ADRA1B: variants seen among roughly 807,000 people sequenced by gnomAD.
ADRA1B encodes the protein adrenoceptor alpha 1B.
In ADRA1B, 17 loss-of-function variants were observed where a neutral mutation model predicts 17.9. The observed-to-expected ratio is 0.95, with a 90% confidence interval of 0.65 to 1.42. The LOEUF is 1.42. Ranked by LOEUF, ADRA1B falls within the 40% of genes most tolerant of loss-of-function variation. The pLI, the probability that ADRA1B is intolerant of heterozygous loss-of-function variation, is 0.00. For missense variants in ADRA1B, 681 were observed against 722.1 expected, an observed-to-expected ratio of 0.94 and a Z score of 0.65; for synonymous variants, 366 against 327.6, an observed-to-expected ratio of 1.12 and a Z score of -1.27.
chr5:159,886,802 G>A (rs567348672), intron 1 of ADRA1B, among the ~76,000 whole-genome samples: 7 of 151,958 alleles, frequency 4.6e-5, no homozygotes, highest in East Asian at 3.9e-4. Flanking sequence ...TCAGTTACTC[G>A]CCAGCTGATG....
intron 1 of ADRA1B, among the ~76,000 whole-genome samples, chr5:159,929,467 A>T (rs1220996079): frequency 2.6e-4 from 39 of 148,450 alleles, no homozygotes; most frequent in South Asian, 2.3e-3. Context: ...TTTTTTTTTT[A>T]AAAAGAGGGT....
In ADRA1B at chr5:159,916,861, T is replaced by C; in HGVS notation, c.-45T>C. The C allele has an allele frequency of 1.9e-6, 3 of 1,551,916 alleles. No individual in the cohort carries two copies. The highest frequency in any genetic ancestry group is 2.6e-6 in the Non-Finnish European group (3 of 1,144,606). On this transcript the variant is annotated 5_prime_UTR_variant, in exon 1 of 2. Transcript: ENST00000306675. ...AGCTGAGGAGCCTTCGCCGCAGCCC[T>C]TCCGAGCCCAATCATCCCCCTGGCT...
At chr5:159,953,312 C>T (rs1032828332) in intron 1 of ADRA1B, among the ~76,000 whole-genome samples, 4 of 152,194 alleles carry the variant, frequency 2.6e-5, no homozygotes, top group African/African-American at 9.6e-5. Flanking sequence ...GTGAGCCGAT[C>T]GTGCCACCGC....
intron 1 of ADRA1B, among the ~76,000 whole-genome samples, chr5:159,918,826 C>T (rs557472269): frequency 6.6e-6 from 1 of 152,286 alleles, no homozygotes; most frequent in East Asian, 1.9e-4. Flanking sequence ...CCTTGTCCTT[C>T]CTCTGAGGCA....
chr5:159,903,516 A>T (rs1253193247), intron 1 of ADRA1B, among the ~76,000 whole-genome samples: 2 of 152,210 alleles, frequency 1.3e-5, no homozygotes, highest in Non-Finnish European at 2.9e-5. Flanking sequence ...CATTTTACAG[A>T]TGAGGAAACT....
intron 1 of ADRA1B, among the ~76,000 whole-genome samples, chr5:159,906,750 T>C (rs1305032389): frequency 6.6e-6 from 1 of 152,126 alleles, no homozygotes; most frequent in Non-Finnish European, 1.5e-5. Context: ...AATTCTAAAG[T>C]TTTTGAGTGG....
intron 1 of ADRA1B, among the ~76,000 whole-genome samples, chr5:159,918,401 A>C (rs1295338293): frequency 1.3e-5 from 2 of 152,188 alleles, no homozygotes; most frequent in East Asian, 3.9e-4. Context: ...GACAGCTATC[A>C]CCCAGATATA....
chr5:159,899,144 CAGGAAGGA>C (rs910087875), intron 1 of ADRA1B, among the ~76,000 whole-genome samples: 1 of 145,204 alleles, frequency 6.9e-6, no homozygotes, highest in South Asian at 2.2e-4. Flanking sequence ...GAGACCCTGT[CAGGAAGGA>C]AGGAAGGAAG....
chr5:159,964,333 G>A (rs933573303), intron 1 of ADRA1B, among the ~76,000 whole-genome samples: 2 of 152,140 alleles, frequency 1.3e-5, no homozygotes, highest in South Asian at 2.1e-4. Context: ...CTCCCTTTTC[G>A]AGAAAGAGGG....
chr5:159,898,385 A>T (rs1191948113), intron 1 of ADRA1B, among the ~76,000 whole-genome samples: 3 of 152,172 alleles, frequency 2.0e-5, no homozygotes, highest in African/African-American at 7.2e-5. Flanking sequence ...GGATCACAGA[A>T]ACTGATTCCC....
At chr5:159,875,413 C>T (rs568567608) in intron 1 of ADRA1B, among the ~76,000 whole-genome samples, 37 of 152,208 alleles carry the variant, frequency 2.4e-4, no homozygotes, top group African/African-American at 8.4e-4. Context: ...AAGGACCAAG[C>T]TCAAGGAAAA....
chr5:159,928,360 ATT>A (rs1360104250), intron 1 of ADRA1B, among the ~76,000 whole-genome samples: 7 of 152,084 alleles, frequency 4.6e-5, no homozygotes, highest in Non-Finnish European at 8.8e-5. Context: ...TTACGACTCT[ATT>A]GACAGCACAC....
chr5:159,987,306 G>A, the ADRA1B span, among the ~76,000 whole-genome samples: 4 of 152,348 alleles, frequency 2.6e-5, no homozygotes, highest in African/African-American at 9.6e-5. Context: ...GCCCAGGTGC[G>A]CGGGTCTCTC....
chr5:159,879,043 A>G (rs1753829769), intron 1 of ADRA1B, among the ~76,000 whole-genome samples: 1 of 152,034 alleles, frequency 6.6e-6, no homozygotes, highest in African/African-American at 2.4e-5. Flanking sequence ...CTGCTACTGC[A>G]TATTCCTCAT....
In ADRA1B at chr5:159,972,034, GGCCGCGGCCGCC is replaced by G; in HGVS notation, c.1110_1121del (p.Gly371_Arg374del). 1 of 1,399,000 alleles carries G rather than the reference GGCCGCGGCCGCC, an allele frequency of 7.1e-7. No individual in the cohort carries two copies. Among genetic ancestry groups the G allele is most frequent in the Non-Finnish European group, 9.3e-7 (1 of 1,076,046 alleles). 86.7% of individuals were successfully genotyped at this position (1,399,000 alleles called of 1,614,324 possible). On this transcript the variant is annotated inframe_deletion, in exon 2 of 2. Coordinates refer to ENST00000306675, the MANE Select transcript of ADRA1B (RefSeq NM_000679.4). ...GCGCATCCTCGGGTGCCAGTGCCGC[GGCCGCGGCCGCC>G]GCCGACGCCGCCGCCGCCGTCGCCT...
chr5:159,970,560 T>C (rs1755848561), intron 1 of ADRA1B, among the ~76,000 whole-genome samples: 1 of 152,218 alleles, frequency 6.6e-6, no homozygotes, highest in South Asian at 2.1e-4. Flanking sequence ...TGAACCCTTA[T>C]GGACTTGTGT....
At chr5:159,973,750 A>C (rs1051169284), downstream of ADRA1B, among the ~76,000 whole-genome samples, 13 of 152,238 alleles carry the variant, frequency 8.5e-5, no homozygotes, top group African/African-American at 2.9e-4. Context: ...CCTACTACTG[A>C]TTTATTGTAT....
chr5:159,888,098 G>T (rs7703597), intron 1 of ADRA1B: 20 of 152,194 alleles, frequency 1.3e-4, no homozygotes, highest in African/African-American at 4.8e-4. Flanking sequence ...TGCACAGCTA[G>T]CTACTAATAA....
chr5:159,950,410 G>T, intron 1 of ADRA1B: 2 of 712,950 alleles, frequency 2.8e-6, no homozygotes, highest in Non-Finnish European at 5.0e-6. Flanking sequence ...TGTCATGGGG[G>T]ACTGTGTGTG....
Sources: allele counts gnomAD v4.1 joint callset (sites outside exome capture counted in the v4.1 genomes callset), GRCh38; gene constraint gnomAD v4.1.1; transcripts MANE v1.5; gene names NCBI Gene and HGNC (gene_info 2026-07-23, HGNC 2026-07-21).